RCAN2: variants seen among roughly 807,000 people sequenced by gnomAD.
RCAN2 encodes regulator of calcineurin 2, also known as calcipressin-2.
Under a neutral mutation model 23.6 loss-of-function variants are expected in RCAN2, and 9 were observed. That is an observed-to-expected ratio of 0.38 (90% CI 0.23 to 0.67). RCAN2 has a LOEUF of 0.67. Ranked by LOEUF, RCAN2 falls within the 30% of genes least tolerant of loss-of-function variation. The pLI, the probability that RCAN2 is intolerant of heterozygous loss-of-function variation, is 0.51. For synonymous variants in RCAN2, 109 were observed against 115.7 expected (o/e 0.94, Z 0.37); for missense variants, 273 against 302.3 (o/e 0.90, Z 0.72).
At chr6:46,256,660 T>C (rs1198373029) in intron 2 of RCAN2, among the ~76,000 whole-genome samples, 1 of 152,216 alleles carries the variant, frequency 6.6e-6, no homozygotes, top group Non-Finnish European at 1.5e-5. Flanking sequence ...TTAAATCTTA[T>C]TCACCTCTAC....
chr6:46,475,734 G>C (rs1227961985), intron 1 of RCAN2, among the ~76,000 whole-genome samples: 1 of 152,054 alleles, frequency 6.6e-6, no homozygotes, highest in African/African-American at 2.4e-5. Flanking sequence ...ATGGCTACTC[G>C]ACTCTATGAT....
chr6:46,463,106 C>T lies in RCAN2; in HGVS notation c.-2-6128G>A, dbSNP rs561844647. ...CCAGAAAGGGTTGGGTGGTGATAAT[C>T]GCATCTAGAGTCTTGGCAACCTGGA... On this transcript the variant is annotated intron_variant, in intron 1 of 4. Coordinates refer to ENST00000371374, the MANE Select transcript of RCAN2 (RefSeq NM_001251974.2). 3.1e-3 allele frequency among the ~76,000 whole-genome samples: 476 copies of T among 152,276 alleles called. 2 individuals are homozygous for T. Among genetic ancestry groups the T allele is most frequent in the African/African-American group, 0.011 (465 of 41,542 alleles).
intron 2 of RCAN2, among the ~76,000 whole-genome samples, chr6:46,407,062 T>C (rs1766426697): frequency 6.6e-6 from 1 of 152,214 alleles, no homozygotes; most frequent in South Asian, 2.1e-4. Flanking sequence ...CTGAGACTCT[T>C]ACTGTGCCCC....
intron 1 of RCAN2, among the ~76,000 whole-genome samples, chr6:46,472,980 C>T (rs1416008989): frequency 6.6e-6 from 1 of 152,182 alleles, no homozygotes; most frequent in Non-Finnish European, 1.5e-5. Flanking sequence ...GGGACTAACT[C>T]AGAATACCAA....
intron 2 of RCAN2, among the ~76,000 whole-genome samples, chr6:46,293,573 G>A (rs1762632866): frequency 6.6e-6 from 1 of 152,060 alleles, no homozygotes; most frequent in African/African-American, 2.4e-5. Context: ...AACTTCCAAG[G>A]GCAAATGCAG....
chr6:46,350,843 G>GAAC (rs1764626009), intron 2 of RCAN2, among the ~76,000 whole-genome samples: 1 of 152,152 alleles, frequency 6.6e-6, no homozygotes, highest in Non-Finnish European at 1.5e-5. Context: ...TACACTGCTA[G>GAAC]TGAACAGTAG....
intron 2 of RCAN2, among the ~76,000 whole-genome samples, chr6:46,452,873 A>G (rs753786104): frequency 1.3e-5 from 2 of 152,310 alleles, no homozygotes; most frequent in East Asian, 1.9e-4. Flanking sequence ...CCACCATGGC[A>G]TGTGTATACC....
intron 2 of RCAN2, among the ~76,000 whole-genome samples, chr6:46,368,952 A>G (rs769681065): frequency 1.3e-5 from 2 of 152,220 alleles, no homozygotes; most frequent in African/African-American, 4.8e-5. Context: ...AAAATTTTCA[A>G]ATAGTTTTTA....
At chr6:46,366,754 C>G (rs1004128003) in intron 2 of RCAN2, among the ~76,000 whole-genome samples, 1 of 151,502 alleles carries the variant, frequency 6.6e-6, no homozygotes, top group Non-Finnish European at 1.5e-5. Flanking sequence ...CTCAGATGTT[C>G]CATCAATGAC....
chr6:46,250,842 C>T (rs958032733), intron 2 of RCAN2, among the ~76,000 whole-genome samples: 3 of 152,122 alleles, frequency 2.0e-5, no homozygotes, highest in African/African-American at 7.2e-5. Context: ...ACTCGAATGT[C>T]AGGGAAGGTC....
At chr6:46,337,220 G>A (rs912592966) in intron 2 of RCAN2, among the ~76,000 whole-genome samples, 10 of 152,036 alleles carry the variant, frequency 6.6e-5, no homozygotes, top group Non-Finnish European at 1.2e-4. Flanking sequence ...TCTTACAATG[G>A]TAAGAGATAC....
At chr6:46,420,854 C>A (rs760315379) in intron 2 of RCAN2, among the ~76,000 whole-genome samples, 1 of 152,072 alleles carries the variant, frequency 6.6e-6, no homozygotes, top group Admixed American at 6.6e-5. Context: ...GCCTGATCAA[C>A]TATTTTTAAC....
At chr6:46,362,382 T>A (rs989070240) in intron 2 of RCAN2, among the ~76,000 whole-genome samples, 1 of 152,066 alleles carries the variant, frequency 6.6e-6, no homozygotes, top group African/African-American at 2.4e-5. Flanking sequence ...ATTGGAGGTA[T>A]AATATAAGGA....
chr6:46,229,603 A>G (rs577778229), intron 4 of RCAN2, among the ~76,000 whole-genome samples: 1 of 152,146 alleles, frequency 6.6e-6, no homozygotes, highest in Admixed American at 6.5e-5. Context: ...TTCTCTTGCC[A>G]TGGTTTTCAG....
chr6:46,308,919 A>C (rs545160834), intron 2 of RCAN2, among the ~76,000 whole-genome samples: 90 of 152,124 alleles, frequency 5.9e-4, no homozygotes, highest in Admixed American at 2.4e-3. Context: ...TGGAGAGGAG[A>C]TGGTTACATA....
chr6:46,373,301 G>C (rs955353095), intron 2 of RCAN2, among the ~76,000 whole-genome samples: 1 of 152,176 alleles, frequency 6.6e-6, no homozygotes, highest in African/African-American at 2.4e-5. Flanking sequence ...GCCTCGCTCT[G>C]TTGCCCAGGC....
intron 2 of RCAN2, among the ~76,000 whole-genome samples, chr6:46,271,446 C>T (rs1007124445): frequency 6.6e-6 from 1 of 152,118 alleles, no homozygotes; most frequent in Non-Finnish European, 1.5e-5. Context: ...TAATCTCATC[C>T]AAAAAGCACC....
At chr6:46,261,874 T>G (rs1471980721) in intron 2 of RCAN2, among the ~76,000 whole-genome samples, 2 of 152,216 alleles carry the variant, frequency 1.3e-5, no homozygotes, top group African/African-American at 4.8e-5. Flanking sequence ...GGAAATCAAC[T>G]GGGTAATTGC....
rs1271509550 is a variant in RCAN2 at position 46,316,728 on chromosome 6, A to G, written c.226-67832T>C. Among the ~76,000 whole-genome samples the G allele has an allele frequency of 2.6e-5, 4 of 152,192 alleles. No homozygotes were observed. In the East Asian group the frequency reaches 7.7e-4, roughly 29 times the overall value. On this transcript the variant is annotated intron_variant, in intron 2 of 4. Coordinates refer to ENST00000371374, the MANE Select transcript of RCAN2 (RefSeq NM_001251974.2). Reference sequence around the variant, plus strand: ...CTGACAAATAGTCAGTGCTCAATACATTGTTGCTATTATTAAGTTTGCTCA... The same window carrying G: ...CTGACAAATAGTCAGTGCTCAATACGTTGTTGCTATTATTAAGTTTGCTCA...
Sources: gnomAD v4.1 joint callset for allele counts (sites outside exome capture counted in the v4.1 genomes callset) on GRCh38, gnomAD v4.1.1 for gene constraint, MANE v1.5 for transcripts, NCBI Gene and HGNC (gene_info 2026-07-23, HGNC 2026-07-21) for gene names.